ATP5F1A: variants seen among roughly 807,000 people sequenced by gnomAD.
The protein encoded by ATP5F1A is ATP synthase F(1) complex subunit alpha, mitochondrial.
In ATP5F1A, 24 loss-of-function variants were observed where a neutral mutation model predicts 57.4. The ratio of observed to expected loss-of-function variants is 0.42; its 90% CI spans 0.30 to 0.59. The LOEUF is 0.59. Among genes scored for constraint, ATP5F1A ranks in the 20% least tolerant of loss-of-function variants. ATP5F1A has a pLI of 0.19. For synonymous variants in ATP5F1A, 251 were observed against 255.5 expected (o/e 0.98, Z 0.17); for missense variants, 494 against 707.9 (o/e 0.70, Z 3.43).
At chr18:46,102,814 G>A (rs147374924), upstream of ATP5F1A, among the ~76,000 whole-genome samples, 1 of 152,222 alleles carries the variant, frequency 6.6e-6, no homozygotes, top group African/African-American at 2.4e-5. Context: ...TGGGTGTGGT[G>A]GTGCACGCCT....
At position 46,087,489 on chromosome 18, in the gene ATP5F1A, G is replaced by C; in HGVS notation, c.803C>G (p.Ala268Gly). 2.5e-6 allele frequency: 4 copies of C among 1,611,178 alleles called. No individual in the cohort carries two copies. The highest frequency in any genetic ancestry group is 3.4e-6 in the Non-Finnish European group (4 of 1,179,388). ...QLVKRLTDADAMKYTIVVSAT... is the reference protein window; with the variant it reads ...QLVKRLTDADGMKYTIVVSAT... ...CGACACCACAATGGTGTACTTCATG[G>C]CATCTGAGAAAATATATTTTACAAT... Residue 268 changes from alanine (A) to glycine (G), a missense_variant, in exon 7 of 12, where the codon GCC (alanine) becomes GGC (glycine). By Grantham distance (60) the Ala-to-Gly change is moderately conservative. Transcript: ENST00000398752.
chr18:46,087,549 T>C (rs1910206856), intron 6 of ATP5F1A, 57 bp from the exon 7 acceptor site: 2 of 1,574,272 alleles, frequency 1.3e-6, no homozygotes, highest in Admixed American at 1.8e-5. Flanking sequence ...TGGAGGCTAC[T>C]ATAAAAATTA....
upstream of ATP5F1A, among the ~76,000 whole-genome samples, chr18:46,102,829 T>A (rs1014657737): frequency 2.0e-5 from 3 of 152,052 alleles, no homozygotes; most frequent in Non-Finnish European, 4.4e-5. Flanking sequence ...ACGCCTATAG[T>A]CCCAGCTACT....
At chr18:46,090,093 G>GGGGGGGGGGGGC in intron 3 of ATP5F1A, 97 bp from the exon 4 acceptor site, 2 of 414,292 alleles carry the variant, frequency 4.8e-6, no homozygotes, top group Non-Finnish European at 4.3e-6. Context: ...GGTGGGGGGG[G>GGGGGGGGGGGGC]AAGCAGTATT....
chr18:46,084,865 AG>A, intron 10 of ATP5F1A: 1 of 484,694 alleles, frequency 2.1e-6, no homozygotes, highest in East Asian at 3.5e-5. Flanking sequence ...TCAAGGCTTG[AG>A]GCATAATCTT....
intron 8 of ATP5F1A, chr18:46,086,774 C>G (rs1438421871): frequency 3.3e-6 from 2 of 605,738 alleles, no homozygotes; most frequent in Non-Finnish European, 5.8e-6. Flanking sequence ...GAAGGGAGAA[C>G]AGTAGTGGTT....
chr18:46,085,063 C>CA (rs956559270), intron 10 of ATP5F1A: 1 of 154,220 alleles, frequency 6.5e-6, no homozygotes, highest in African/African-American at 2.4e-5. Context: ...GAAAGGAAGA[C>CA]ATTAAATATA....
At chr18:46,084,751 C>G in intron 10 of ATP5F1A, 97 bp from the exon 11 acceptor site, 2 of 1,275,176 alleles carry the variant, frequency 1.6e-6, no homozygotes, top group Non-Finnish European at 2.1e-6. Context: ...CAATTCCTAA[C>G]ATGTCCCTGT....
intron 3 of ATP5F1A, 75 bp downstream of exon 3, chr18:46,091,607 C>T: frequency 1.4e-6 from 2 of 1,416,080 alleles, no homozygotes; most frequent in Middle Eastern, 2.0e-4. Flanking sequence ...AAATCTGATA[C>T]AATCTTTGAA....
At chr18:46,094,761 A>G in intron 2 of ATP5F1A, 2 of 260,450 alleles carry the variant, frequency 7.7e-6, no homozygotes, top group Non-Finnish European at 1.4e-5. Context: ...TCCAGAGGTC[A>G]CAAAGATTCC....
intron 3 of ATP5F1A, among the ~76,000 whole-genome samples, chr18:46,090,949 G>A (rs1251685385): frequency 3.9e-5 from 6 of 152,116 alleles, no homozygotes; most frequent in Admixed American, 1.3e-4. Flanking sequence ...AATCTGTTTC[G>A]ACCTCACCTT....
intron 10 of ATP5F1A, 86 bp from the exon 11 acceptor site, chr18:46,084,740 C>G: frequency 7.4e-7 from 1 of 1,358,196 alleles, no homozygotes; most frequent in Non-Finnish European, 9.8e-7. Context: ...TACTTTTTCT[C>G]CAATTCCTAA....
intron 1 of ATP5F1A, among the ~76,000 whole-genome samples, chr18:46,095,433 G>A (rs1470682700): frequency 6.6e-6 from 1 of 151,960 alleles, no homozygotes; most frequent in Non-Finnish European, 1.5e-5. Context: ...GCGATTCTCA[G>A]CCTCCCGAGT....
chr18:46,084,241 T>G lies in ATP5F1A; in HGVS notation c.*41A>C, dbSNP rs1909922220. 9 of 1,550,768 alleles carry G rather than the reference T, an allele frequency of 5.8e-6. No individual in the cohort carries two copies. Among genetic ancestry groups the G allele is most frequent in the Non-Finnish European group, 7.9e-6 (9 of 1,132,422 alleles). ...AAATGGAACTAATTTACTAGAACAA[T>G]GACAAAACTGAACTGGTATTTGATG... On this transcript the variant is annotated 3_prime_UTR_variant, in exon 12 of 12. Transcript: ENST00000398752.
At chr18:46,099,086 C>T (rs1040877720), upstream of ATP5F1A, among the ~76,000 whole-genome samples, 2 of 151,964 alleles carry the variant, frequency 1.3e-5, no homozygotes, top group Non-Finnish European at 2.9e-5. Context: ...ACATGTATTC[C>T]GGAACTTTAA....
upstream of ATP5F1A, among the ~76,000 whole-genome samples, chr18:46,100,987 C>T (rs903641681): frequency 2.0e-5 from 3 of 152,062 alleles, no homozygotes; most frequent in Non-Finnish European, 1.5e-5. Flanking sequence ...GCAGGAGAAT[C>T]ACATGAACCT....
At chr18:46,097,803 G>A (rs1911068267) in intron 1 of ATP5F1A, 1 of 1,064,098 alleles carries the variant, frequency 9.4e-7, no homozygotes. Flanking sequence ...TCAGCGGGAC[G>A]CGACCCTAAG....
chr18:46,087,184 G>T lies in ATP5F1A; in HGVS notation c.1000C>A (p.Arg334Ser). Residue 334 changes from arginine to serine, a missense_variant, in exon 8 of 12, where the codon CGT (arginine) becomes AGT (serine). Transcript: ENST00000398752. Reference sequence around the variant, plus strand: ...AACACATCACCAGGATAGGCCTCACGACCAGGGGGTCGGCGGAGCAACAGA... The same window carrying T: ...AACACATCACCAGGATAGGCCTCACTACCAGGGGGTCGGCGGAGCAACAGA... ...MSLLLRRPPG[R>S]EAYPGDVFYL... The T allele has an allele frequency of 1.2e-6, 2 of 1,614,136 alleles. No homozygotes were observed. Among genetic ancestry groups the T allele is most frequent in the South Asian group, 2.2e-5 (2 of 91,052 alleles).
intron 1 of ATP5F1A, chr18:46,097,900 T>C (rs1911080511): frequency 8.1e-7 from 1 of 1,233,594 alleles, no homozygotes; most frequent in Admixed American, 4.2e-5. Flanking sequence ...ATCCCCCTTC[T>C]AGGGCCGCTG....
Sources: gnomAD v4.1 joint callset for allele counts (sites outside exome capture counted in the v4.1 genomes callset) on GRCh38, gnomAD v4.1.1 for gene constraint, MANE v1.5 for transcripts, NCBI Gene and HGNC (gene_info 2026-07-23, HGNC 2026-07-21) for gene names.